ABCA5: variants seen among roughly 807,000 people sequenced by gnomAD.
ABCA5 encodes ATP binding cassette subfamily A member 5, also known as cholesterol transporter ABCA5.
ABCA5 carries 163 observed loss-of-function variants against 206.0 expected under a neutral mutation model. The observed-to-expected ratio is 0.79, with a 90% CI of 0.70 to 0.90. The LOEUF (loss-of-function observed/expected upper bound fraction) is 0.90. Among genes scored for constraint, ABCA5 ranks in the 40% least tolerant of loss-of-function variants. ABCA5 has a pLI of 0.00. For synonymous variants in ABCA5, 609 were observed against 613.8 expected (o/e 0.99, Z 0.11); for missense variants, 1,859 against 1,912.9 (o/e 0.97, Z 0.53).
intron 10 of ABCA5, among the ~76,000 whole-genome samples, chr17:69,295,001 AGTC>A (rs1228799659): frequency 2.6e-5 from 4 of 152,200 alleles, no homozygotes; most frequent in Non-Finnish European, 4.4e-5. Flanking sequence ...ATTGATAAGA[AGTC>A]TTGCAGATAA....
intron 9 of ABCA5, 34 bp from the exon 10 acceptor site, chr17:69,297,393 T>C: frequency 6.4e-7 from 1 of 1,560,070 alleles, no homozygotes; most frequent in Non-Finnish European, 8.6e-7. Flanking sequence ...TGAGTTACCA[T>C]AATTAGTTTT....
In ABCA5 at chr17:69,306,965, A is replaced by G; in HGVS notation, c.559-11T>C. 1 of 1,512,842 alleles carries G rather than the reference A, an allele frequency of 6.6e-7. No individual in the cohort carries two copies. The highest frequency in any genetic ancestry group is 2.4e-5 in the East Asian group (1 of 41,602). The allele number at this position is 1,512,842 out of a possible 1,614,324, so 93.7% of individuals were successfully genotyped here. A position where few individuals can be genotyped will look rare whatever the true frequency, so the allele number is the denominator to read the frequency against. ...AACATTGGTCTTCAACTATAATTAG[A>G]AAATGTAAATACATCAAATTAATTT... On this transcript the variant is annotated splice_polypyrimidine_tract_variant and intron_variant, in intron 5 of 38. Transcript: ENST00000392676.
At position 69,297,096 on chromosome 17, in the gene ABCA5, T is replaced by C. The variant is rs912980006; in HGVS notation, c.1436+95A>G. ...TTAAAATCATGGCATATGTACCAAA[T>C]CTAATATACCATATTTACATACATA... On this transcript the variant is annotated intron_variant, in intron 10 of 38. Transcript: ENST00000392676. 19 of 1,215,280 alleles carry C rather than the reference T, an allele frequency of 1.6e-5. No individual in the cohort carries two copies. The East Asian group carries it at 4.9e-4, about 31-fold the overall frequency. 75.3% of individuals were successfully genotyped at this position (1,215,280 alleles called of 1,614,324 possible).
At chr17:69,290,098 G>A (rs1046671597) in intron 12 of ABCA5, 61 bp from the exon 13 acceptor site, 5 of 1,184,738 alleles carry the variant, frequency 4.2e-6, no homozygotes, top group Non-Finnish European at 4.6e-6. Flanking sequence ...ATGTTTTCAA[G>A]TATCCTGATA....
chr17:69,271,131 A>G, intron 21 of ABCA5, 31 bp downstream of exon 21: 2 of 1,593,678 alleles, frequency 1.3e-6, no homozygotes, highest in Non-Finnish European at 1.7e-6. Context: ...ATAACTCCCA[A>G]ATGGATATTC....
chr17:69,316,592 T>TAAAAAAA (rs34101085), intron 1 of ABCA5, among the ~76,000 whole-genome samples: 1 of 132,718 alleles, frequency 7.5e-6, no homozygotes, highest in Non-Finnish European at 1.6e-5. Flanking sequence ...GTATTAATGC[T>TAAAAAAA]AAAAAAAAAA....
In ABCA5 at chr17:69,318,858, T is replaced by C. The variant is rs191988187; in HGVS notation, c.-15-4428A>G. On this transcript the variant is annotated intron_variant, in intron 1 of 38. Transcript: ENST00000392676. ...TTTGATCCCTTTATGAATCTTGTGATAGATTAATGTGTGGAGATGGCAACT... is the reference window on the plus strand; with the variant it reads ...TTTGATCCCTTTATGAATCTTGTGACAGATTAATGTGTGGAGATGGCAACT... 44 of 704,602 alleles carry C rather than the reference T, an allele frequency of 6.2e-5. No individual in the cohort carries two copies. The East Asian group carries it at 1.2e-3, about 19-fold the overall frequency. The allele number at this position is 704,602 out of a possible 1,614,324, so 43.6% of individuals were successfully genotyped here.
chr17:69,251,130 T>C (rs1370357424), intron 35 of ABCA5: 1 of 153,062 alleles, frequency 6.5e-6, no homozygotes, highest in African/African-American at 2.4e-5. Flanking sequence ...GGAGAGAATA[T>C]TACACAGCTG....
At chr17:69,276,241 C>T (rs568961425) in intron 19 of ABCA5, among the ~76,000 whole-genome samples, 12 of 152,094 alleles carry the variant, frequency 7.9e-5, no homozygotes, top group African/African-American at 2.7e-4. Flanking sequence ...CGCCCACCAC[C>T]ACACCCAGCT....
rs1393830082 is a variant in ABCA5, at chr17:69,285,933, T to C, written c.2237A>G (p.Tyr746Cys). Residue 746 changes from tyrosine (Y) to cysteine (C), a missense_variant, in exon 17 of 39, where the codon TAT becomes TGT. Tyr to Cys is a radical substitution (Grantham distance 194). Transcript: ENST00000392676. ...LLQQNDQQLV[Y>C]SLPFKDMDKF... is the part of the protein sequence containing the mutation. ...GTCCATGTCCTTGAAAGGCAAGCTA[T>C]ACACAAGTTGTTGGTCATTCTGTTG... is the stretch of plus-strand genomic sequence containing the variant. The C allele has an allele frequency of 6.2e-7, 1 of 1,613,310 alleles. No homozygotes were observed. The highest frequency in any genetic ancestry group is 8.5e-7 in the Non-Finnish European group (1 of 1,179,554).
At chr17:69,284,747 T>TA (rs1210527684) in intron 17 of ABCA5, among the ~76,000 whole-genome samples, 10 of 152,338 alleles carry the variant, frequency 6.6e-5, no homozygotes, top group African/African-American at 2.4e-4. Flanking sequence ...TCTGTTGTGA[T>TA]AGCACATATT....
At chr17:69,306,471 A>C (rs986031857) in intron 6 of ABCA5, among the ~76,000 whole-genome samples, 2 of 152,214 alleles carry the variant, frequency 1.3e-5, no homozygotes, top group East Asian at 3.9e-4. Flanking sequence ...CATGATTCAA[A>C]TAAAATGTGA....
chr17:69,262,031 T>C (rs1323784317), intron 24 of ABCA5, among the ~76,000 whole-genome samples: 5 of 152,070 alleles, frequency 3.3e-5, no homozygotes, highest in South Asian at 2.1e-4. Context: ...TTATTTTATA[T>C]GGCAGAAACT....
intron 9 of ABCA5, 68 bp from the exon 10 acceptor site, chr17:69,297,427 A>G: frequency 7.0e-7 from 1 of 1,421,376 alleles, no homozygotes; most frequent in Non-Finnish European, 9.5e-7. Context: ...CAGCATTTCA[A>G]ACATATGACA....
intron 3 of ABCA5, among the ~76,000 whole-genome samples, chr17:69,312,604 C>T (rs1452823139): frequency 6.6e-6 from 1 of 151,882 alleles, no homozygotes; most frequent in Non-Finnish European, 1.5e-5. Context: ...GATGGGGGTC[C>T]CATTCTGTTG....
At chr17:69,268,955 A>G (rs1367171267) in intron 22 of ABCA5, 2 of 152,250 alleles carry the variant, frequency 1.3e-5, no homozygotes, top group African/African-American at 2.4e-5. Context: ...AGGCTCAGAA[A>G]GAACCCACAA....
chr17:69,308,315 CT>C lies in ABCA5; in HGVS notation c.522del (p.Val175PhefsTer6). Reference protein sequence around the residue: ...EAAQYWSSGFTVLQASIDAAI... With the variant: ...EAAQYWSSGFXVLQASIDAAI... ...GCAGCATCTATGGATGCTTGTAAAA[CT>C]GTGAAACCTGAGGACCAGTACTGAG... is the stretch of plus-strand genomic sequence containing the variant. On this transcript the variant is annotated frameshift_variant, in exon 5 of 39. Coordinates refer to ENST00000392676, the MANE Select transcript of ABCA5 (RefSeq NM_172232.4). LOFTEE classifies it high-confidence loss of function. The C allele has an allele frequency of 6.2e-7, 1 of 1,611,848 alleles. No individual in the cohort carries two copies. Among genetic ancestry groups the C allele is most frequent in the Non-Finnish European group, 8.5e-7 (1 of 1,178,494 alleles).
chr17:69,270,752 T>C lies in ABCA5; in HGVS notation c.2893-2A>G, dbSNP rs1427214162. 2.0e-5 allele frequency: 30 copies of C among 1,527,182 alleles called. No homozygotes were observed. The highest frequency in any genetic ancestry group is 2.6e-5 in the Non-Finnish European group (30 of 1,144,170). The allele number at this position is 1,527,182 out of a possible 1,614,324, so 94.6% of individuals were successfully genotyped here. A position where few individuals can be genotyped will look rare whatever the true frequency, so the allele number is the denominator to read the frequency against. On this transcript the variant is annotated splice_acceptor_variant, in intron 21 of 38. Coordinates refer to ENST00000392676, the MANE Select transcript of ABCA5 (RefSeq NM_172232.4). LOFTEE classifies it high-confidence loss of function. The stretch of plus-strand genomic sequence containing the variant: ...GAAAACAGCTGCAAAAACATAGTCC[T>C]ACAATTAAAAAAAAGACACTTATTA...
chr17:69,259,510 T>G (rs1172490690), intron 28 of ABCA5, among the ~76,000 whole-genome samples, 196 bp downstream of exon 28: 1 of 151,912 alleles, frequency 6.6e-6, no homozygotes, highest in Non-Finnish European at 1.5e-5. Flanking sequence ...AACAGGCAAA[T>G]CTGACAGAAA....
Sources: allele counts gnomAD v4.1 joint callset (sites outside exome capture counted in the v4.1 genomes callset), GRCh38; gene constraint gnomAD v4.1.1; transcripts MANE v1.5; gene names NCBI Gene and HGNC (gene_info 2026-07-23, HGNC 2026-07-21).